The following GALNT8 variants were observed in gnomAD, a reference collection of about 807,000 sequenced individuals.
GALNT8 encodes probable polypeptide N-acetylgalactosaminyltransferase 8.
A neutral mutation model predicts 62.7 loss-of-function variants in GALNT8; 66 were observed. That is an observed-to-expected ratio of 1.05 (90% CI 0.86 to 1.29). The LOEUF is 1.29. Ranked by LOEUF, GALNT8 falls within the 50% of genes most tolerant of loss-of-function variation. GALNT8 has a pLI of 0.00. For synonymous variants in GALNT8, 288 were observed against 294.3 expected (o/e 0.98, Z 0.22); for missense variants, 771 against 791.8 (o/e 0.97, Z 0.32).
At chr12:4,742,734 G>T (rs747548193) in intron 3 of GALNT8, among the ~76,000 whole-genome samples, 1 of 152,066 alleles carries the variant, frequency 6.6e-6, no homozygotes. Flanking sequence ...CTGGGTCGGG[G>T]TGGAGAGCTA....
chr12:4,734,230 G>T (rs1414627711), intron 2 of GALNT8, among the ~76,000 whole-genome samples: 1 of 152,164 alleles, frequency 6.6e-6, no homozygotes, highest in African/African-American at 2.4e-5. Flanking sequence ...AGCACAAAAA[G>T]ATCATGCAGA....
chr12:4,761,268 G>A (rs1240351382), intron 7 of GALNT8, 125 bp downstream of exon 7: 7 of 702,368 alleles, frequency 1.0e-5, no homozygotes, highest in Middle Eastern at 4.9e-4. Flanking sequence ...GGTCCTGATG[G>A]TGTGATAATA....
At chr12:4,732,262 G>A (rs1946224980) in intron 2 of GALNT8, among the ~76,000 whole-genome samples, 1 of 152,242 alleles carries the variant, frequency 6.6e-6, no homozygotes, top group East Asian at 1.9e-4. Flanking sequence ...CTTTCCAGCT[G>A]TAGCACATAG....
At chr12:4,763,192 G>A in intron 7 of GALNT8, 61 bp from the exon 8 acceptor site, 2 of 1,444,904 alleles carry the variant, frequency 1.4e-6, no homozygotes, top group Non-Finnish European at 1.9e-6. Flanking sequence ...GCCATATTTA[G>A]TTCGCTTTAA....
chr12:4,739,072 TATAAC>T lies in GALNT8; in HGVS notation c.510-88_510-84del, dbSNP rs1271153794. ...TTTGAGGGGTGGATGAATTGGTCGA[TATAAC>T]ATCATACAGAGTGAAAGGAAAGATT... On this transcript the variant is annotated intron_variant, in intron 2 of 10. Coordinates refer to ENST00000252318, the MANE Select transcript of GALNT8 (RefSeq NM_017417.2). 6.6e-6 allele frequency: 5 copies of T among 754,764 alleles called. No homozygotes were observed. In the African/African-American group the frequency reaches 7.0e-5, roughly 11 times the overall value. The allele number at this position is 754,764 out of a possible 1,614,324, so 46.8% of individuals were successfully genotyped here.
intron 1 of GALNT8, among the ~76,000 whole-genome samples, chr12:4,722,971 A>G (rs188615432): frequency 5.3e-5 from 8 of 152,144 alleles, no homozygotes; most frequent in African/African-American, 1.9e-4. Context: ...GTTTGTATGG[A>G]GACAAGAAGA....
intron 7 of GALNT8, among the ~76,000 whole-genome samples, 158 bp from the exon 8 acceptor site, chr12:4,763,095 G>A (rs1440676183): frequency 3.3e-5 from 5 of 152,226 alleles, no homozygotes; most frequent in Non-Finnish European, 7.3e-5. Flanking sequence ...ATAGTCCTAA[G>A]TTAGGGTTTC....
Position 4,772,602 on chromosome 12 carries a change from C to T in GALNT8, c.*5C>T. ...GGTCAGACCAACAGCCAGTGATCCT[C>T]AGATGGTGCTGGATCTGGGTCATCA... On this transcript the variant is annotated 3_prime_UTR_variant, in exon 11 of 11. Transcript: ENST00000252318. 1 of 1,608,958 alleles carries T rather than the reference C, an allele frequency of 6.2e-7. No individual in the cohort carries two copies. Among genetic ancestry groups the T allele is most frequent in the Non-Finnish European group, 8.5e-7 (1 of 1,175,852 alleles).
At chr12:4,731,745 T>C (rs142866603) in intron 2 of GALNT8, among the ~76,000 whole-genome samples, 51 of 152,354 alleles carry the variant, frequency 3.3e-4, no homozygotes, top group African/African-American at 1.2e-3. Context: ...GATGATCATA[T>C]AGTTTTTGTC....
chr12:4,745,569 G>T lies in GALNT8; in HGVS notation c.1001G>T (p.Arg334Leu). 2 of 1,613,872 alleles carry T rather than the reference G, an allele frequency of 1.2e-6. No individual in the cohort carries two copies. Among genetic ancestry groups the T allele is most frequent in the East Asian group, 2.2e-5 (1 of 44,872 alleles). Residue 334 changes from arginine to leucine, a missense_variant, in exon 5 of 11, where the codon CGC (arginine) becomes CTC (leucine). Arg to Leu is a moderately radical substitution (Grantham distance 102). Transcript: ENST00000252318. ...GGGTTTAACTGGGAACTCTGGTGCC[G>T]CTACGATGCACTGCCACAAGCCTGG... The part of the protein sequence containing the change: ...VDGFNWELWC[R>L]YDALPQAWID...
chr12:4,772,459 A>G lies in GALNT8; in HGVS notation c.1776A>G (p.Ile592Met). 6.2e-7 allele frequency: 1 copy of G among 1,613,930 alleles called. No individual in the cohort carries two copies. Among genetic ancestry groups the G allele is most frequent in the Non-Finnish European group, 8.5e-7 (1 of 1,179,958 alleles). ...TTCCCCTCCAGGGAGGAGCTGTCATAAACAGAGATACCAAGCGGTGTCTGG... is the reference window on the plus strand; with the variant it reads ...TTCCCCTCCAGGGAGGAGCTGTCATGAACAGAGATACCAAGCGGTGTCTGG... ...YWDFKPGGAV[I>M]NRDTKRCLEM... The change falls in exon 11 of 11, where the codon ATA (isoleucine) becomes ATG (methionine). Residue 592 changes from isoleucine to methionine, a missense_variant. Transcript: ENST00000252318.
At position 4,726,593 on chromosome 12, in the gene GALNT8, G is replaced by A. The variant is rs761182516; in HGVS notation, c.273G>A (p.Ala91=). 10 of 1,613,296 alleles carry A rather than the reference G, an allele frequency of 6.2e-6. No homozygotes were observed. The highest frequency in any genetic ancestry group is 4.4e-5 in the South Asian group (4 of 91,046). Residue 91 remains alanine, a synonymous_variant, in exon 2 of 11, where the codon GCG becomes GCA. Transcript: ENST00000252318. The surrounding 1 kb of genome is among the most constrained non-coding windows in gnomAD (Gnocchi z 4.1). ...ATGTGAACAGCACACTGAAGAGGGCGAAAGATGAAGTACGCCCTCTTCTAA... is the reference window on the plus strand; with the variant it reads ...ATGTGAACAGCACACTGAAGAGGGCAAAAGATGAAGTACGCCCTCTTCTAA... ...QENVNSTLKR[A]KDEVRPLLKA...
Position 4,772,496 on chromosome 12 carries a change from G to T in GALNT8, c.1813G>T (p.Asp605Tyr). Residue 605 changes from aspartate (D) to tyrosine (Y), a missense_variant, in exon 11 of 11, where the codon GAT becomes TAT. Transcript: ENST00000252318. ...CAAGCGGTGTCTGGAGATGAAGAAG[G>T]ATCTTTTGGGTAGCCACGTGCTTGT... Reference protein sequence around the residue: ...DTKRCLEMKKDLLGSHVLVLQ... With the variant: ...DTKRCLEMKKYLLGSHVLVLQ... The T allele has an allele frequency of 6.2e-7, 1 of 1,613,924 alleles. No homozygotes were observed. The highest frequency in any genetic ancestry group is 8.5e-7 in the Non-Finnish European group (1 of 1,179,818).
intron 3 of GALNT8, among the ~76,000 whole-genome samples, chr12:4,743,364 C>T (rs568673679): frequency 6.6e-6 from 1 of 152,368 alleles, no homozygotes; most frequent in African/African-American, 2.4e-5. Flanking sequence ...CGTACTGGCC[C>T]TGCTTAGCAC....
intron 1 of GALNT8, among the ~76,000 whole-genome samples, chr12:4,722,727 T>A (rs1346090978): frequency 1.3e-5 from 2 of 152,072 alleles, no homozygotes; most frequent in Non-Finnish European, 2.9e-5. Flanking sequence ...CCCAGGTGTG[T>A]GCACATGGGG....
chr12:4,720,707 C>T lies in GALNT8; in HGVS notation c.30C>T (p.Ala10=). The T allele has an allele frequency of 6.2e-7, 1 of 1,613,574 alleles. No individual in the cohort carries two copies. The highest frequency in any genetic ancestry group is 8.5e-7 in the Non-Finnish European group (1 of 1,179,500). ...TGTTTTGGAGGAAACTCCCCAAAGC[C>T]CTCTTCATTGGGCTGACTCTGGCCA... The part of the protein sequence containing the change: MMFWRKLPK[A]LFIGLTLAIA... The change falls in exon 1 of 11, where the codon GCC becomes GCT. Residue 10 remains alanine, a synonymous_variant. Coordinates refer to ENST00000252318, the MANE Select transcript of GALNT8 (RefSeq NM_017417.2).
chr12:4,721,031 C>T (rs931797374), intron 1 of GALNT8, 143 bp downstream of exon 1: 4 of 633,006 alleles, frequency 6.3e-6, no homozygotes, highest in Non-Finnish European at 1.1e-5. Flanking sequence ...ACACTGAATT[C>T]TGTGCCTTCA....
chr12:4,745,214 C>G (rs557055027), intron 4 of GALNT8, among the ~76,000 whole-genome samples: 2 of 152,246 alleles, frequency 1.3e-5, no homozygotes, highest in Non-Finnish European at 2.9e-5. Context: ...TAATTTCAAA[C>G]CTGTTCTCGA....
intron 7 of GALNT8, among the ~76,000 whole-genome samples, chr12:4,762,931 G>A (rs1410535099): frequency 1.3e-5 from 2 of 152,248 alleles, no homozygotes; most frequent in Admixed American, 1.3e-4. Flanking sequence ...AAAAAGGGAA[G>A]TGACGTACAG....
Sources: gnomAD v4.1 joint callset for allele counts (sites outside exome capture counted in the v4.1 genomes callset) on GRCh38, gnomAD v4.1.1 for gene constraint, Gnocchi (gnomAD v3.1) non-coding constraint, MANE v1.5 for transcripts, NCBI Gene and HGNC (gene_info 2026-07-23, HGNC 2026-07-21) for gene names.